Variants in RBM39 observed in about 807,000 individuals in gnomAD.
RBM39 encodes RNA-binding protein 39.
In RBM39, 12 loss-of-function variants were observed where a neutral mutation model predicts 79.6. The ratio of observed to expected loss-of-function variants is 0.15; its 90% confidence interval spans 0.10 to 0.24. The LOEUF (loss-of-function observed/expected upper bound fraction) is 0.24. RBM39 is among the 10% of genes least tolerant of loss of function. RBM39 has a pLI of 1.00. For missense variants in RBM39, 243 were observed against 653.4 expected, an observed-to-expected ratio of 0.37 and a Z score of 6.85; for synonymous variants, 185 against 208.4, an observed-to-expected ratio of 0.89 and a Z score of 0.97.
chr20:35,736,606 G>T (rs746056246), intron 3 of RBM39: 2 of 468,136 alleles, frequency 4.3e-6, no homozygotes, highest in South Asian at 3.1e-5. Context: ...CAAATAAATG[G>T]CTATTTTTCT....
chr20:35,729,802 AT>A (rs1271950075), intron 4 of RBM39, among the ~76,000 whole-genome samples: 10 of 151,586 alleles, frequency 6.6e-5, no homozygotes, highest in African/African-American at 2.4e-4. Context: ...CAGACTTTAG[AT>A]ATCTTTGTAA....
At position 35,704,766 on chromosome 20, in the gene RBM39, A is replaced by C; in HGVS notation, c.1414-20T>G. 5.0e-6 allele frequency: 8 copies of C among 1,606,902 alleles called. No individual in the cohort carries two copies. The highest frequency in any genetic ancestry group is 6.8e-6 in the Non-Finnish European group (8 of 1,176,838). On this transcript the variant is annotated intron_variant, in intron 15 of 16. Coordinates refer to ENST00000253363, the MANE Select transcript of RBM39 (RefSeq NM_184234.3). ...ATTGCCCTACAGAAAAAATGAAAAA[A>C]AAGGTAAAGATGTTGCTGTATGCAA...
intron 8 of RBM39, 118 bp downstream of exon 8, chr20:35,724,447 AGTCCT>A: frequency 1.1e-6 from 1 of 871,900 alleles, no homozygotes; most frequent in African/African-American, 1.8e-5. Context: ...AAAAAAAAAA[AGTCCT>A]GAAAACATCC....
intron 10 of RBM39, among the ~76,000 whole-genome samples, chr20:35,715,821 T>TC (rs2037044383): frequency 6.6e-6 from 1 of 152,052 alleles, no homozygotes; most frequent in Admixed American, 6.6e-5. Flanking sequence ...CTTGGTGCAC[T>TC]CCCCCTGCTA....
intron 10 of RBM39, among the ~76,000 whole-genome samples, chr20:35,714,803 T>C (rs1430856689): frequency 1.3e-5 from 2 of 152,124 alleles, no homozygotes; most frequent in Non-Finnish European, 2.9e-5. Context: ...AATCCTCATA[T>C]ATAAAACATA....
chr20:35,727,094 A>G (rs906841057), intron 6 of RBM39, among the ~76,000 whole-genome samples: 4 of 152,114 alleles, frequency 2.6e-5, no homozygotes, highest in Non-Finnish European at 5.9e-5. Flanking sequence ...CGCCAGGCAC[A>G]AAAGCTTTTA....
In RBM39 at chr20:35,703,856, A is replaced by G. The variant is rs933513248; in HGVS notation, c.*625T>C. ...CAGACTCTCACGTTTAAACATCTTC[A>G]GGAAATGCAGGGATCATTTTGTTTG... On this transcript the variant is annotated 3_prime_UTR_variant, in exon 17 of 17. Transcript: ENST00000253363. 6.6e-6 allele frequency: 1 copy of G among 152,300 alleles called. No individual in the cohort carries two copies. The highest frequency in any genetic ancestry group is 2.4e-5 in the African/African-American group (1 of 41,458). The allele number at this position is 152,300 out of a possible 1,614,324, so 9.4% of individuals were successfully genotyped here.
At chr20:35,719,434 G>C (rs1411601835) in intron 9 of RBM39, among the ~76,000 whole-genome samples, 3 of 152,164 alleles carry the variant, frequency 2.0e-5, no homozygotes, top group Admixed American at 6.5e-5. Context: ...GGGCGCAGTG[G>C]CTCACGCCTG....
At chr20:35,736,808 A>ACG (rs1476915452) in intron 3 of RBM39, among the ~76,000 whole-genome samples, 1 of 151,672 alleles carries the variant, frequency 6.6e-6, no homozygotes, top group Non-Finnish European at 1.5e-5. Context: ...GTGCACCACC[A>ACG]CGCCCAGCTA....
intron 8 of RBM39, 65 bp from the exon 9 acceptor site, chr20:35,721,942 T>C: frequency 6.6e-7 from 1 of 1,523,614 alleles, no homozygotes; most frequent in Non-Finnish European, 9.0e-7. Context: ...ACACCTTCCA[T>C]TTGCATAACA....
At chr20:35,718,004 A>G (rs1388381628) in intron 9 of RBM39, among the ~76,000 whole-genome samples, 6 of 151,894 alleles carry the variant, frequency 4.0e-5, no homozygotes, top group Admixed American at 6.6e-5. Flanking sequence ...GACTACAGGC[A>G]CCCACCACCA....
chr20:35,729,555 G>A, intron 4 of RBM39, 28 bp from the exon 5 acceptor site: 1 of 1,604,082 alleles, frequency 6.2e-7, no homozygotes, highest in Non-Finnish European at 8.5e-7. Flanking sequence ...AATTACACTA[G>A]TTACAGGTTT....
In RBM39 at chr20:35,705,149, C is replaced by A. The variant is rs1282070301; in HGVS notation, c.1413+76G>T. ...TATAATGGAAGACGGTTAACCATAA[C>A]ATGCACCACATAATGTGCGAAGATT... is the stretch of plus-strand genomic sequence containing the variant. On this transcript the variant is annotated intron_variant, in intron 15 of 16. Transcript: ENST00000253363. 7.1e-6 allele frequency: 6 copies of A among 849,744 alleles called. No homozygotes were observed. In the South Asian group the frequency reaches 9.3e-5, roughly 13 times the overall value. The allele number at this position is 849,744 out of a possible 1,614,324, so 52.6% of individuals were successfully genotyped here. A position where few individuals can be genotyped will look rare whatever the true frequency, so the allele number is the denominator to read the frequency against.
intron 2 of RBM39, chr20:35,739,663 A>T (rs1292001562): frequency 5.4e-6 from 2 of 368,752 alleles, no homozygotes; most frequent in Non-Finnish European, 1.1e-5. Flanking sequence ...ATACCTGTTT[A>T]CATGGAATTA....
chr20:35,712,011 T>A (rs940070489), intron 12 of RBM39, among the ~76,000 whole-genome samples: 36 of 152,124 alleles, frequency 2.4e-4, no homozygotes, highest in Non-Finnish European at 1.0e-4. Context: ...CAGAATTCCT[T>A]GAACCCAGGA....
chr20:35,732,513 G>GC (rs2039480668), intron 3 of RBM39: 1 of 208,158 alleles, frequency 4.8e-6, no homozygotes, highest in South Asian at 7.5e-5. Flanking sequence ...CCAAGATCCC[G>GC]CCACTGGTAC....
rs1356970364 is a variant in RBM39, at chr20:35,729,450, A to G, written c.362+12T>C. 1 of 1,612,384 alleles carries G rather than the reference A, an allele frequency of 6.2e-7. No individual in the cohort carries two copies. Among genetic ancestry groups the G allele is most frequent in the Admixed American group, 1.7e-5 (1 of 59,756 alleles). ...AAAACAATTTAAACAATTCAGAAGT[A>G]TGTTTAAAAACCTTAATTTGATGCT... On this transcript the variant is annotated intron_variant, in intron 5 of 16. Transcript: ENST00000253363.
chr20:35,708,173 GTTTTA>G (rs1430020974), intron 13 of RBM39, among the ~76,000 whole-genome samples: 1 of 151,254 alleles, frequency 6.6e-6, no homozygotes, highest in Non-Finnish European at 1.5e-5. Flanking sequence ...CTTTCATAAA[GTTTTA>G]TTTTAAATAA....
intron 6 of RBM39, among the ~76,000 whole-genome samples, chr20:35,727,271 G>T (rs892837523): frequency 3.9e-5 from 6 of 151,914 alleles, no homozygotes; most frequent in African/African-American, 1.5e-4. Context: ...GATTGCTTAT[G>T]ACCGGCCATT....
Sources: gnomAD v4.1 joint callset for allele counts (sites outside exome capture counted in the v4.1 genomes callset) on GRCh38, gnomAD v4.1.1 for gene constraint, MANE v1.5 for transcripts, NCBI Gene and HGNC (gene_info 2026-07-23, HGNC 2026-07-21) for gene names.